UBE2K: variants seen among roughly 807,000 people sequenced by gnomAD.
UBE2K encodes the protein ubiquitin conjugating enzyme E2 K.
UBE2K carries 6 observed loss-of-function variants against 30.0 expected under a neutral mutation model. That is an observed-to-expected ratio of 0.20 (90% CI 0.11 to 0.39). The LOEUF (loss-of-function observed/expected upper bound fraction) is 0.39. UBE2K is among the 10% of genes least tolerant of loss of function. The probability of loss-of-function intolerance (pLI) is 1.00; values close to 1 mark genes in which losing one functional copy is unlikely to be tolerated. For missense variants in UBE2K, 61 were observed against 241.6 expected, an observed-to-expected ratio of 0.25 and a Z score of 4.96; for synonymous variants, 86 against 83.7, an observed-to-expected ratio of 1.03 and a Z score of -0.15.
At chr4:39,742,736 G>A (rs1262424877) in intron 2 of UBE2K, among the ~76,000 whole-genome samples, 6 of 151,494 alleles carry the variant, frequency 4.0e-5, no homozygotes, top group African/African-American at 9.7e-5. Flanking sequence ...GTGAGAATCC[G>A]CCTCAAATAA....
intron 4 of UBE2K, among the ~76,000 whole-genome samples, chr4:39,760,191 AACAG>A: frequency 5.7e-5 from 4 of 70,626 alleles, no homozygotes; most frequent in Admixed American, 2.1e-4. Flanking sequence ...AAAAAAAAAA[AACAG>A]AAAAAAAAAA....
intron 3 of UBE2K, among the ~76,000 whole-genome samples, chr4:39,747,863 G>A (rs1312381104): frequency 6.6e-6 from 1 of 150,602 alleles, no homozygotes; most frequent in Non-Finnish European, 1.5e-5. Context: ...GTACAGTGGC[G>A]CGGTCTCGGC....
intron 3 of UBE2K, among the ~76,000 whole-genome samples, chr4:39,747,848 C>T (rs1348587328): frequency 6.6e-6 from 1 of 150,820 alleles, no homozygotes; most frequent in Non-Finnish European, 1.5e-5. Flanking sequence ...GCCGCCCAGG[C>T]TGGAGTACAG....
Position 39,727,459 on chromosome 4 carries a change from T to C in UBE2K, c.64-9961T>C, listed in dbSNP as rs1011199592. Among the ~76,000 whole-genome samples the C allele has an allele frequency of 2.0e-5, 3 of 152,174 alleles. No homozygotes were observed. The East Asian group carries it at 5.8e-4, about 29-fold the overall frequency. ...TCTCTGCAGCCTGGGATTCCTGGGC[T>C]CAGGTGATTTTCCCACTTCAGCCTC... On this transcript the variant is annotated intron_variant, in intron 1 of 6. Transcript: ENST00000261427.
intron 1 of UBE2K, among the ~76,000 whole-genome samples, chr4:39,711,670 C>T (rs745529087): frequency 6.6e-6 from 1 of 151,828 alleles, no homozygotes; most frequent in African/African-American, 2.4e-5. Flanking sequence ...AAGACCTGAG[C>T]GTATTTTCAG....
intron 1 of UBE2K, among the ~76,000 whole-genome samples, chr4:39,719,081 T>G (rs1719276888): frequency 6.6e-6 from 1 of 152,226 alleles, no homozygotes; most frequent in Non-Finnish European, 1.5e-5. Flanking sequence ...GACCTACCTT[T>G]CCTGACCTAT....
intron 1 of UBE2K, among the ~76,000 whole-genome samples, chr4:39,703,738 T>G (rs1020937295): frequency 6.6e-6 from 1 of 151,112 alleles, no homozygotes. Flanking sequence ...TCCCAGCTAC[T>G]TGGGAGGCTG....
chr4:39,701,796 T>C (rs1039641736), intron 1 of UBE2K, among the ~76,000 whole-genome samples: 2 of 152,080 alleles, frequency 1.3e-5, no homozygotes, highest in Middle Eastern at 3.4e-3. Context: ...AATCTCGCTG[T>C]CTCGCCCAGA....
chr4:39,713,442 G>C (rs1277188362), intron 1 of UBE2K, among the ~76,000 whole-genome samples: 2 of 151,952 alleles, frequency 1.3e-5, no homozygotes, highest in African/African-American at 4.8e-5. Flanking sequence ...ACAAGCGTGA[G>C]CCACTGTGCC....
chr4:39,739,710 G>T (rs865810305), intron 2 of UBE2K, among the ~76,000 whole-genome samples: 3 of 152,122 alleles, frequency 2.0e-5, no homozygotes, highest in Admixed American at 6.6e-5. Context: ...CTCCCAAAGT[G>T]CTGAGATTAC....
chr4:39,705,098 C>T lies in UBE2K; in HGVS notation c.63+6708C>T, dbSNP rs149143693. ...ATTTTTAGTAGAGACGGGTTTTTAC[C>T]GTATTGGCCAGGCTGGTCTCGAGCT... On this transcript the variant is annotated intron_variant, in intron 1 of 6. Coordinates refer to ENST00000261427, the MANE Select transcript of UBE2K (RefSeq NM_005339.5). 5.9e-3 allele frequency among the ~76,000 whole-genome samples: 893 copies of T among 150,876 alleles called. 7 individuals are homozygous for T. Among genetic ancestry groups the T allele is most frequent in the African/African-American group, 0.021 (848 of 41,102 alleles).
intron 1 of UBE2K, among the ~76,000 whole-genome samples, chr4:39,717,624 G>A (rs1481983519): frequency 1.3e-5 from 2 of 152,192 alleles, no homozygotes; most frequent in African/African-American, 4.8e-5. Flanking sequence ...GTTTTCCAGT[G>A]CCTATGGGGA....
chr4:39,721,278 C>T (rs554444727), intron 1 of UBE2K, among the ~76,000 whole-genome samples: 1 of 152,244 alleles, frequency 6.6e-6, no homozygotes, highest in African/African-American at 2.4e-5. Context: ...AGAATGAACT[C>T]AGGATCATTT....
In UBE2K at chr4:39,723,378, TTTTTC is replaced by T. The variant is rs1719537531; in HGVS notation, c.64-14041_64-14037del. Reference sequence around the variant, plus strand: ...CTGTCTTCTCTTTTTTTTTTTTTTTTTTTTCCTTCAGACTGAGTCTCGCCCTGTTG... The same window carrying T: ...CTGTCTTCTCTTTTTTTTTTTTTTTTCTTCAGACTGAGTCTCGCCCTGTTG... On this transcript the variant is annotated intron_variant, in intron 1 of 6. Transcript: ENST00000261427. Among the ~76,000 whole-genome samples the T allele has an allele frequency of 3.4e-5, 5 of 146,492 alleles. 1 individual carries two copies. Among genetic ancestry groups the T allele is most frequent in the African/African-American group, 1.3e-4 (5 of 38,838 alleles).
intron 4 of UBE2K, chr4:39,771,271 G>A (rs1330336350): frequency 7.4e-6 from 12 of 1,611,646 alleles, no homozygotes; most frequent in South Asian, 1.1e-5. Context: ...CCGCAGGAAC[G>A]GTGAGCAGGC....
intron 1 of UBE2K, among the ~76,000 whole-genome samples, chr4:39,708,200 G>A (rs1018186509): frequency 2.0e-5 from 3 of 152,022 alleles, no homozygotes; most frequent in Non-Finnish European, 2.9e-5. Context: ...GCGCCTGGCC[G>A]AGATTCTTAA....
chr4:39,766,243 T>G (rs977421954), intron 4 of UBE2K, among the ~76,000 whole-genome samples: 1 of 152,110 alleles, frequency 6.6e-6, no homozygotes, highest in Non-Finnish European at 1.5e-5. Flanking sequence ...TTCACCATTT[T>G]ACATTCCCAC....
intron 3 of UBE2K, among the ~76,000 whole-genome samples, chr4:39,749,779 A>G (rs1005508493): frequency 1.3e-5 from 2 of 152,230 alleles, no homozygotes; most frequent in Admixed American, 1.3e-4. Flanking sequence ...AATGCTAATA[A>G]TCTTTAATGA....
At chr4:39,755,514 C>T in intron 3 of UBE2K, 143 bp from the exon 4 acceptor site, 1 of 600,696 alleles carries the variant, frequency 1.7e-6, no homozygotes, top group South Asian at 2.1e-5. Flanking sequence ...TTGTCTTCTA[C>T]ACCCCTTCTT....
Sources: allele counts gnomAD v4.1 joint callset (sites outside exome capture counted in the v4.1 genomes callset), GRCh38; gene constraint gnomAD v4.1.1; transcripts MANE v1.5; gene names NCBI Gene and HGNC (gene_info 2026-07-23, HGNC 2026-07-21).